The following SNTG1 variants were observed in gnomAD, a reference collection of about 807,000 sequenced individuals.
The protein encoded by SNTG1 is syntrophin gamma 1.
SNTG1 carries 39 observed loss-of-function variants against 74.7 expected under a neutral mutation model. The ratio of observed to expected loss-of-function variants is 0.52; its 90% CI spans 0.40 to 0.68. The LOEUF is 0.68. Among genes scored for constraint, SNTG1 ranks in the 30% least tolerant of loss-of-function variants. The probability of loss-of-function intolerance (pLI) is 0.00; values close to 1 mark genes in which losing one functional copy is unlikely to be tolerated. For missense variants in SNTG1, 685 were observed against 609.5 expected, an observed-to-expected ratio of 1.12 and a Z score of -1.30; for synonymous variants, 254 against 217.1, an observed-to-expected ratio of 1.17 and a Z score of -1.49.
chr8:50,290,557 T>C (rs1425774524), intron 2 of SNTG1, among the ~76,000 whole-genome samples: 1 of 152,042 alleles, frequency 6.6e-6, no homozygotes, highest in Non-Finnish European at 1.5e-5. Context: ...TTCCGAAGAG[T>C]TTTAGGTTTT....
intron 18 of SNTG1, among the ~76,000 whole-genome samples, chr8:50,757,421 G>T (rs75499549): frequency 6.6e-6 from 1 of 151,664 alleles, no homozygotes; most frequent in Non-Finnish European, 1.5e-5. Flanking sequence ...ATTTACCGTT[G>T]CTTAATGTCC....
intron 8 of SNTG1, among the ~76,000 whole-genome samples, chr8:50,495,652 C>G (rs1176450687): frequency 6.6e-6 from 1 of 152,156 alleles, no homozygotes; most frequent in Non-Finnish European, 1.5e-5. Flanking sequence ...AGTAACAGCT[C>G]TTGTGAATAT....
chr8:49,968,906 C>T (rs1303336486), intron 1 of SNTG1, among the ~76,000 whole-genome samples: 7 of 152,168 alleles, frequency 4.6e-5, no homozygotes, highest in South Asian at 2.1e-4. Flanking sequence ...AGGCAAAGGG[C>T]GATACTGAGG....
At chr8:50,232,819 A>G (rs1020471509) in intron 2 of SNTG1, among the ~76,000 whole-genome samples, 1 of 151,596 alleles carries the variant, frequency 6.6e-6, no homozygotes, top group Non-Finnish European at 1.5e-5. Flanking sequence ...TAAAATTCCA[A>G]TATTACTTAC....
At chr8:50,348,141 G>T (rs928327610) in intron 2 of SNTG1, among the ~76,000 whole-genome samples, 58 of 152,152 alleles carry the variant, frequency 3.8e-4, no homozygotes, top group African/African-American at 1.4e-3. Flanking sequence ...AGTTACCAAG[G>T]AGGCAGTGAG....
At chr8:50,365,464 G>A in intron 2 of SNTG1, among the ~76,000 whole-genome samples, 1 of 152,018 alleles carries the variant, frequency 6.6e-6, no homozygotes, top group East Asian at 1.9e-4. Flanking sequence ...TTGACTATAT[G>A]TATTTATAAA....
chr8:49,936,846 G>A (rs1359525259), intron 1 of SNTG1, among the ~76,000 whole-genome samples: 2 of 152,214 alleles, frequency 1.3e-5, no homozygotes, highest in East Asian at 3.9e-4. Flanking sequence ...CAACCTAGAT[G>A]AACTTCAAAA....
chr8:50,725,591 C>A (rs533987445), intron 17 of SNTG1, among the ~76,000 whole-genome samples: 1 of 152,220 alleles, frequency 6.6e-6, no homozygotes, highest in South Asian at 2.1e-4. Context: ...ATTTTAAGTA[C>A]GTGACACCTC....
intron 12 of SNTG1, among the ~76,000 whole-genome samples, chr8:50,569,409 A>C (rs189284774): frequency 4.1e-4 from 62 of 152,214 alleles, no homozygotes; most frequent in East Asian, 3.7e-3. Context: ...GAAAAAAAAA[A>C]ACTGTTTGGA....
At chr8:50,634,347 G>A (rs2095024816) in intron 13 of SNTG1, among the ~76,000 whole-genome samples, 1 of 152,172 alleles carries the variant, frequency 6.6e-6, no homozygotes, top group Non-Finnish European at 1.5e-5. Context: ...AATTGTCTGG[G>A]TCATGCATCC....
rs535795188 is a variant in SNTG1 at position 50,387,737 on chromosome 8, C to T, written c.-27-6475C>T. 3.3e-5 allele frequency among the ~76,000 whole-genome samples: 5 copies of T among 152,254 alleles called. No individual in the cohort carries two copies. The South Asian group carries it at 8.3e-4, about 25-fold the overall frequency. Reference sequence around the variant, plus strand: ...TGCAATGATTTTGAAGTGGAACACACGTTTAATGGGTTAAACTTTGTATCT... The same window carrying T: ...TGCAATGATTTTGAAGTGGAACACATGTTTAATGGGTTAAACTTTGTATCT... On this transcript the variant is annotated intron_variant, in intron 2 of 18. Transcript: ENST00000642720.
intron 1 of SNTG1, among the ~76,000 whole-genome samples, chr8:50,117,596 GT>G (rs1415578190): frequency 6.6e-6 from 1 of 152,080 alleles, no homozygotes; most frequent in Admixed American, 6.6e-5. Context: ...CAGCAAAATT[GT>G]TTTCGCTCCA....
chr8:50,661,499 A>G (rs2095223080), intron 15 of SNTG1, among the ~76,000 whole-genome samples: 1 of 152,164 alleles, frequency 6.6e-6, no homozygotes, highest in African/African-American at 2.4e-5. Flanking sequence ...TTCTCATTTT[A>G]ACTTTCTATA....
At chr8:50,094,715 T>A (rs541905747) in intron 1 of SNTG1, among the ~76,000 whole-genome samples, 6 of 152,206 alleles carry the variant, frequency 3.9e-5, no homozygotes, top group Admixed American at 2.0e-4. Flanking sequence ...GGAACACTTA[T>A]AATGTTGGTA....
chr8:50,216,334 T>TAA (rs2084791575), intron 2 of SNTG1, among the ~76,000 whole-genome samples: 1 of 152,228 alleles, frequency 6.6e-6, no homozygotes, highest in Admixed American at 6.6e-5. Flanking sequence ...ATGTTGTCTT[T>TAA]TACTCAACTT....
At chr8:50,213,904 C>A (rs2084645727) in intron 2 of SNTG1, among the ~76,000 whole-genome samples, 1 of 151,688 alleles carries the variant, frequency 6.6e-6, no homozygotes, top group African/African-American at 2.4e-5. Flanking sequence ...ATGGTAGTTT[C>A]TTTTGCTGTG....
chr8:50,522,916 C>A (rs750778147), intron 9 of SNTG1, among the ~76,000 whole-genome samples: 1 of 152,112 alleles, frequency 6.6e-6, no homozygotes, highest in South Asian at 2.1e-4. Context: ...ATGTCATCTT[C>A]TTCTAATATG....
chr8:50,452,636 T>G (rs1307681340), intron 8 of SNTG1, among the ~76,000 whole-genome samples: 1 of 152,216 alleles, frequency 6.6e-6, no homozygotes, highest in Non-Finnish European at 1.5e-5. Flanking sequence ...TGGTTCTCAT[T>G]CTGTTATAAA....
chr8:50,760,790 C>T (rs1442724667), intron 18 of SNTG1, among the ~76,000 whole-genome samples: 1 of 151,902 alleles, frequency 6.6e-6, no homozygotes. Flanking sequence ...GGATGAATTC[C>T]TGGACACGTA....
Sources: allele counts gnomAD v4.1 joint callset (sites outside exome capture counted in the v4.1 genomes callset), GRCh38; gene constraint gnomAD v4.1.1; transcripts MANE v1.5; gene names NCBI Gene and HGNC (gene_info 2026-07-23, HGNC 2026-07-21).